Variants in VPS41 observed in about 807,000 individuals in gnomAD.
VPS41 encodes the protein vacuolar protein sorting-associated protein 41 homolog.
Under a neutral mutation model 130.9 loss-of-function variants are expected in VPS41, and 85 were observed. The ratio of observed to expected loss-of-function variants is 0.65; its 90% CI spans 0.55 to 0.78. The LOEUF (loss-of-function observed/expected upper bound fraction) is 0.78, where lower values mean the gene tolerates loss of function less well. VPS41 is among the 30% of genes least tolerant of loss of function. The probability of loss-of-function intolerance (pLI) is 0.00; values close to 1 mark genes in which losing one functional copy is unlikely to be tolerated. For synonymous variants in VPS41, 335 were observed against 332.9 expected (o/e 1.01, Z -0.07); for missense variants, 874 against 1,018.7 (o/e 0.86, Z 1.93).
At chr7:38,813,449 G>C (rs923077866) in intron 7 of VPS41, among the ~76,000 whole-genome samples, 1 of 152,138 alleles carries the variant, frequency 6.6e-6, no homozygotes, top group Non-Finnish European at 1.5e-5. Flanking sequence ...AGCTTACGTT[G>C]ATGGTTACAC....
intron 4 of VPS41, among the ~76,000 whole-genome samples, chr7:38,844,588 T>C (rs1465702627): frequency 6.6e-6 from 1 of 152,184 alleles, no homozygotes; most frequent in East Asian, 1.9e-4. Context: ...GGAAGAGTCA[T>C]CTTGTTTGGA....
At chr7:38,756,213 TACACACACACACACACACAC>T (rs3839727) in intron 19 of VPS41, among the ~76,000 whole-genome samples, 2 of 146,556 alleles carry the variant, frequency 1.4e-5, no homozygotes, top group East Asian at 2.1e-4. Context: ...AGATTTCTTT[TACACACACACACACACACAC>T]ACACACACAC....
At chr7:38,861,006 G>C (rs1786098279) in intron 4 of VPS41, among the ~76,000 whole-genome samples, 1 of 152,062 alleles carries the variant, frequency 6.6e-6, no homozygotes, top group African/African-American at 2.4e-5. Flanking sequence ...ATGTCATATA[G>C]TCAGGACTGA....
chr7:38,898,758 T>C (rs867707898), intron 1 of VPS41, among the ~76,000 whole-genome samples: 3 of 152,148 alleles, frequency 2.0e-5, no homozygotes, highest in Non-Finnish European at 4.4e-5. Context: ...AAGGGAAAAA[T>C]TGACTTGATC....
chr7:38,862,748 G>T, intron 3 of VPS41, 126 bp from the exon 4 acceptor site: 1 of 613,544 alleles, frequency 1.6e-6, no homozygotes, highest in Non-Finnish European at 2.8e-6. Context: ...CAAAAGATAT[G>T]CATGCCTTGG....
At chr7:38,834,593 A>C (rs903058080) in intron 4 of VPS41, among the ~76,000 whole-genome samples, 2 of 152,090 alleles carry the variant, frequency 1.3e-5, no homozygotes, top group African/African-American at 2.4e-5. Context: ...CACATGGTTT[A>C]CTCTCAACAG....
intron 4 of VPS41, among the ~76,000 whole-genome samples, chr7:38,856,672 T>A (rs1233814956): frequency 6.6e-6 from 1 of 151,740 alleles, no homozygotes; most frequent in Non-Finnish European, 1.5e-5. Flanking sequence ...CTCCAAGACG[T>A]TAAATAGGAA....
intron 10 of VPS41, among the ~76,000 whole-genome samples, chr7:38,787,944 C>T (rs78689333): frequency 0.012 from 1,793 of 152,216 alleles, 45 homozygotes; most frequent in African/African-American, 0.04. Context: ...GTCTATTTCA[C>T]GTAAATTACA....
chr7:38,797,236 C>G (rs1318409425), intron 7 of VPS41, among the ~76,000 whole-genome samples: 3 of 152,186 alleles, frequency 2.0e-5, no homozygotes, highest in Non-Finnish European at 4.4e-5. Context: ...ATCAAAACCT[C>G]TTTTAAGTTT....
At position 38,752,273 on chromosome 7, in the gene VPS41, T is replaced by C. The variant is rs1450463988; in HGVS notation, c.1829A>G (p.Gln610Arg). 2 of 1,613,946 alleles carry C rather than the reference T, an allele frequency of 1.2e-6. No homozygotes were observed. Among genetic ancestry groups the C allele is most frequent in the Admixed American group, 3.3e-5 (2 of 60,002 alleles). Residue 610 changes from glutamine to arginine, a missense_variant, in exon 22 of 29, where the codon CAG becomes CGG. Coordinates refer to ENST00000310301, the MANE Select transcript of VPS41 (RefSeq NM_014396.4). ...KLFKRDHHKGQRYHEKQISLY... is the reference protein window; with the variant it reads ...KLFKRDHHKGRRYHEKQISLY... Reference sequence around the variant, plus strand: ...ACTGATCTGTTTTTCATGGTAACGCTGCCCCTTATGGTGGTCTCTCTTGAA... The same window carrying C: ...ACTGATCTGTTTTTCATGGTAACGCCGCCCCTTATGGTGGTCTCTCTTGAA...
At chr7:38,859,864 G>A (rs937832328) in intron 4 of VPS41, among the ~76,000 whole-genome samples, 1 of 152,180 alleles carries the variant, frequency 6.6e-6, no homozygotes, top group African/African-American at 2.4e-5. Context: ...TCTGAGTTAA[G>A]TAAAATTGCT....
At chr7:38,869,641 T>A (rs1375775459) in intron 2 of VPS41, among the ~76,000 whole-genome samples, 1 of 152,190 alleles carries the variant, frequency 6.6e-6, no homozygotes, top group Non-Finnish European at 1.5e-5. Context: ...AAAATTATTA[T>A]AATAATGATT....
At chr7:38,905,346 G>A (rs1278963320) in intron 1 of VPS41, among the ~76,000 whole-genome samples, 1 of 152,140 alleles carries the variant, frequency 6.6e-6, no homozygotes, top group East Asian at 1.9e-4. Context: ...AAATCGTTTT[G>A]GAGCTAAGCA....
rs1044095173 is a variant in VPS41 at position 38,758,615 on chromosome 7, A to G, written c.1423-134T>C. The G allele has an allele frequency of 1.2e-5, 11 of 917,380 alleles. No homozygotes were observed. In the South Asian group the frequency reaches 1.9e-4, roughly 16 times the overall value. The allele number at this position is 917,380 out of a possible 1,614,324, so 56.8% of individuals were successfully genotyped here. ...CAAAATCCTTAGAATCTCTAAAATGATGTGTCTTCTTGTATGCTAATGAGC... is the reference window on the plus strand; with the variant it reads ...CAAAATCCTTAGAATCTCTAAAATGGTGTGTCTTCTTGTATGCTAATGAGC... On this transcript the variant is annotated intron_variant, in intron 17 of 28. Coordinates refer to ENST00000310301, the MANE Select transcript of VPS41 (RefSeq NM_014396.4).
chr7:38,747,727 G>C (rs114706150), intron 22 of VPS41, among the ~76,000 whole-genome samples: 84 of 152,350 alleles, frequency 5.5e-4, no homozygotes, highest in African/African-American at 1.6e-3. Context: ...TTGAAATTCA[G>C]TTCCTTGGTA....
At chr7:38,854,048 C>T (rs928764956) in intron 4 of VPS41, among the ~76,000 whole-genome samples, 4 of 152,196 alleles carry the variant, frequency 2.6e-5, no homozygotes, top group Non-Finnish European at 5.9e-5. Context: ...GGAAATATGA[C>T]TTGCCTTGGC....
At chr7:38,787,188 C>A (rs568096297) in intron 10 of VPS41, among the ~76,000 whole-genome samples, 5 of 152,124 alleles carry the variant, frequency 3.3e-5, no homozygotes, top group African/African-American at 1.2e-4. Flanking sequence ...ACCAAGAAGT[C>A]AATCATTAAT....
intron 1 of VPS41, among the ~76,000 whole-genome samples, chr7:38,903,314 G>C (rs1296545490): frequency 6.6e-6 from 1 of 152,188 alleles, no homozygotes; most frequent in Non-Finnish European, 1.5e-5. Flanking sequence ...TGGCCTCAGA[G>C]GTCAGGAGTG....
chr7:38,743,088 C>A (rs568297640), intron 24 of VPS41, among the ~76,000 whole-genome samples: 1,014 of 4,286 alleles, frequency 0.24, 11 homozygotes, highest in African/African-American at 0.34. Flanking sequence ...AAAAAAAAAC[C>A]ACACCAACAC....
Sources: allele counts gnomAD v4.1 joint callset (sites outside exome capture counted in the v4.1 genomes callset), GRCh38; gene constraint gnomAD v4.1.1; transcripts MANE v1.5; gene names NCBI Gene and HGNC (gene_info 2026-07-23, HGNC 2026-07-21).